The following RSPH1 variants were observed in gnomAD, a reference collection of about 807,000 sequenced individuals.
RSPH1 encodes the protein radial spoke head component 1, also known as radial spoke head 1 homolog.
In RSPH1, 32 loss-of-function variants were observed where a neutral mutation model predicts 44.2. That is an observed-to-expected ratio of 0.72 (90% CI 0.55 to 0.97). The LOEUF (loss-of-function observed/expected upper bound fraction) is 0.97, where lower values mean the gene tolerates loss of function less well. Ranked by LOEUF, RSPH1 falls within the 50% of genes least tolerant of loss-of-function variation. The pLI is 0.00. For synonymous variants in RSPH1, 134 were observed against 147.3 expected, an observed-to-expected ratio of 0.91 and a Z score of 0.65; for missense variants, 391 against 398.7, an observed-to-expected ratio of 0.98 and a Z score of 0.16.
intron 3 of RSPH1, among the ~76,000 whole-genome samples, chr21:42,491,414 C>A (rs1435681009): frequency 6.6e-6 from 1 of 152,182 alleles, no homozygotes; most frequent in Non-Finnish European, 1.5e-5. Context: ...TTTTAACCTT[C>A]ATATTCAAAA....
chr21:42,491,981 C>CTCACACCTATTGTCACCAGAG (rs1229370815), intron 3 of RSPH1, among the ~76,000 whole-genome samples: 2 of 152,230 alleles, frequency 1.3e-5, no homozygotes, highest in African/African-American at 4.8e-5. Context: ...CCTATGCAAG[C>CTCACACCTATTGTCACCAGAG]TCACACCTAT....
At chr21:42,478,573 A>G (rs1248696396) in intron 6 of RSPH1, among the ~76,000 whole-genome samples, 1 of 152,242 alleles carries the variant, frequency 6.6e-6, no homozygotes, top group Non-Finnish European at 1.5e-5. Context: ...TAAAACCAAG[A>G]GGTGGAACCC....
chr21:42,482,053 C>A (rs1377171383), intron 6 of RSPH1, among the ~76,000 whole-genome samples: 1 of 152,076 alleles, frequency 6.6e-6, no homozygotes, highest in Admixed American at 6.6e-5. Flanking sequence ...TAGAACCCTC[C>A]CACTCAGGAT....
At chr21:42,477,674 A>G (rs1357994211) in intron 6 of RSPH1, among the ~76,000 whole-genome samples, 1 of 152,192 alleles carries the variant, frequency 6.6e-6, no homozygotes, top group East Asian at 1.9e-4. Context: ...CTCCAGAGCA[A>G]TGCTGGGCCA....
At chr21:42,476,562 A>G (rs756191071) in intron 7 of RSPH1, among the ~76,000 whole-genome samples, 6 of 152,084 alleles carry the variant, frequency 3.9e-5, no homozygotes, top group Admixed American at 6.5e-5. Flanking sequence ...CCAGCACATT[A>G]AGGACTTCCA....
chr21:42,476,854 C>A (rs1404023833), intron 7 of RSPH1, among the ~76,000 whole-genome samples: 1 of 152,182 alleles, frequency 6.6e-6, no homozygotes, highest in Non-Finnish European at 1.5e-5. Context: ...CTAATAACAT[C>A]CCGCACACTC....
At chr21:42,488,096 G>GTT (rs1335334900) in intron 3 of RSPH1, among the ~76,000 whole-genome samples, 9 of 152,356 alleles carry the variant, frequency 5.9e-5, no homozygotes, top group Admixed American at 3.3e-4. Context: ...TTCATGGAGA[G>GTT]AGGGAAGGTG....
At chr21:42,485,254 T>A in intron 5 of RSPH1, 1 of 165,306 alleles carries the variant, frequency 6.0e-6, no homozygotes, top group Non-Finnish European at 1.3e-5. Flanking sequence ...GAGCTGGGGG[T>A]CTTCCTCCCC....
chr21:42,481,542 G>A (rs754272595), intron 6 of RSPH1, among the ~76,000 whole-genome samples: 1 of 152,182 alleles, frequency 6.6e-6, no homozygotes, highest in Non-Finnish European at 1.5e-5. Context: ...GTTTGTGTAC[G>A]ATAATATATT....
chr21:42,495,728 C>T (rs984071856), intron 1 of RSPH1, among the ~76,000 whole-genome samples: 5 of 152,110 alleles, frequency 3.3e-5, no homozygotes, highest in African/African-American at 1.2e-4. Flanking sequence ...ATCTAAATGC[C>T]GGGGGAGCAA....
At position 42,474,058 on chromosome 21, in the gene RSPH1, G is replaced by A. The variant is rs940180741; in HGVS notation, c.878-1188C>T. Among the ~76,000 whole-genome samples, 31 of 152,036 alleles carry A rather than the reference G, an allele frequency of 2.0e-4. No homozygotes were observed. The highest frequency in any genetic ancestry group is 3.8e-4 in the Non-Finnish European group (26 of 67,988). On this transcript the variant is annotated intron_variant, in intron 8 of 8. Transcript: ENST00000291536. This position sits in a 1 kb window ranked among gnomAD's most constrained non-coding sequence, Gnocchi z 5.2. ...GGATTCCTCCTGCTCCATCCCCTCC[G>A]TTATCTCCCCCACCAAGTTTCTGGG...
chr21:42,490,117 C>A (rs1348704358), intron 3 of RSPH1, among the ~76,000 whole-genome samples: 1 of 151,848 alleles, frequency 6.6e-6, no homozygotes, highest in African/African-American at 2.4e-5. Context: ...TGGCACCCAC[C>A]CTCCCCTCCA....
intron 8 of RSPH1, 116 bp from the exon 9 acceptor site, chr21:42,472,986 A>T: frequency 1.5e-6 from 1 of 677,022 alleles, no homozygotes; most frequent in South Asian, 2.0e-5. Context: ...TTAAGCATTC[A>T]TCAGTCAAAA....
intron 6 of RSPH1, among the ~76,000 whole-genome samples, chr21:42,481,321 C>T (rs561309268): frequency 7.9e-5 from 12 of 152,284 alleles, no homozygotes; most frequent in African/African-American, 2.9e-4. Flanking sequence ...TCACCAGAGG[C>T]CAGGCAGTTG....
At chr21:42,495,096 G>A (rs2054274357) in intron 1 of RSPH1, among the ~76,000 whole-genome samples, 1 of 152,224 alleles carries the variant, frequency 6.6e-6, no homozygotes, top group African/African-American at 2.4e-5. Context: ...CTTTGCAGGT[G>A]AAGTCCCAGA....
At chr21:42,475,832 G>A in intron 8 of RSPH1, 66 bp downstream of exon 8, 2 of 1,561,424 alleles carry the variant, frequency 1.3e-6, no homozygotes, top group Non-Finnish European at 8.7e-7. Context: ...GAAGGGAAGG[G>A]GAATCCCACT....
chr21:42,482,174 C>T (rs2054134776), intron 6 of RSPH1, among the ~76,000 whole-genome samples: 1 of 152,216 alleles, frequency 6.6e-6, no homozygotes, highest in Non-Finnish European at 1.5e-5. Context: ...AACTCCGCCG[C>T]CCAGGTTTAA....
Position 42,474,772 on chromosome 21 carries a change from AG to A in RSPH1, c.877+1125del, listed in dbSNP as rs1568956714. Among the ~76,000 whole-genome samples the A allele has an allele frequency of 6.8e-6, 1 of 148,116 alleles. No individual in the cohort carries two copies. The highest frequency in any genetic ancestry group is 1.5e-5 in the Non-Finnish European group (1 of 67,992). ...CACTGGGTGCATTGCTACAGCGCTC[AG>A]GGGAATTACCGATCACGAAAGTCTA... On this transcript the variant is annotated intron_variant, in intron 8 of 8. Coordinates refer to ENST00000291536, the MANE Select transcript of RSPH1 (RefSeq NM_080860.4). This position sits in a 1 kb window ranked among gnomAD's most constrained non-coding sequence, Gnocchi z 5.2.
Position 42,477,284 on chromosome 21 carries a change from C to T in RSPH1, c.727+7G>A. 2 of 1,613,446 alleles carry T rather than the reference C, an allele frequency of 1.2e-6. No individual in the cohort carries two copies. The highest frequency in any genetic ancestry group is 1.7e-6 in the Non-Finnish European group (2 of 1,179,656). On this transcript the variant is annotated splice_region_variant and intron_variant, in intron 7 of 8. Coordinates refer to ENST00000291536, the MANE Select transcript of RSPH1 (RefSeq NM_080860.4). The stretch of plus-strand genomic sequence containing the variant: ...CCTCCACCCCACAGCCCGGGGGTGC[C>T]CCACACTCTCAGCTCCTGGAGCGTC...
Sources: allele counts gnomAD v4.1 joint callset (sites outside exome capture counted in the v4.1 genomes callset), GRCh38; gene constraint gnomAD v4.1.1; non-coding constraint Gnocchi (gnomAD v3.1); transcripts MANE v1.5; gene names NCBI Gene and HGNC (gene_info 2026-07-23, HGNC 2026-07-21).